The following LRRC3B variants were observed in gnomAD, a reference collection of about 807,000 sequenced individuals.
LRRC3B encodes the protein leucine-rich repeat-containing protein 3B.
In LRRC3B, 2 loss-of-function variants were observed where a neutral mutation model predicts 12.8. The ratio of observed to expected loss-of-function variants is 0.16; its 90% CI spans 0.06 to 0.49. The LOEUF (loss-of-function observed/expected upper bound fraction) is 0.49, where lower values mean the gene tolerates loss of function less well. Ranked by LOEUF, LRRC3B falls within the 20% of genes least tolerant of loss-of-function variation. The probability of loss-of-function intolerance (pLI) is 0.96; values close to 1 mark genes in which losing one functional copy is unlikely to be tolerated. For synonymous variants in LRRC3B, 132 were observed against 122.0 expected (o/e 1.08, Z -0.54); for missense variants, 189 against 319.4 (o/e 0.59, Z 3.11).
At chr3:26,694,928 T>C (rs1190411822) in intron 1 of LRRC3B, among the ~76,000 whole-genome samples, 1 of 152,226 alleles carries the variant, frequency 6.6e-6, no homozygotes, top group Admixed American at 6.5e-5. Context: ...TAGAAAATGA[T>C]ATAAGGTAAA....
chr3:26,661,884 T>A (rs1699499437), intron 1 of LRRC3B, among the ~76,000 whole-genome samples: 2 of 152,212 alleles, frequency 1.3e-5, no homozygotes, highest in African/African-American at 4.8e-5. Context: ...CTGACACTTC[T>A]GTGCCTTTTA....
At chr3:26,651,712 T>A (rs1164489737) in intron 1 of LRRC3B, among the ~76,000 whole-genome samples, 2 of 152,242 alleles carry the variant, frequency 1.3e-5, no homozygotes, top group African/African-American at 4.8e-5. Flanking sequence ...GACCTTTCAA[T>A]AGGTTACAGA....
At chr3:26,634,897 CA>C (rs1446458705) in intron 1 of LRRC3B, among the ~76,000 whole-genome samples, 3 of 152,146 alleles carry the variant, frequency 2.0e-5, no homozygotes, top group Non-Finnish European at 2.9e-5. Context: ...TGCAGCTTTG[CA>C]AAAACTCCAG....
Position 26,680,914 on chromosome 3 carries a change from A to C in LRRC3B, c.-160-28599A>C, listed in dbSNP as rs189039611. 1.3e-3 allele frequency among the ~76,000 whole-genome samples: 195 copies of C among 152,334 alleles called. 1 individual carries two copies. The highest frequency in any genetic ancestry group is 0.01 in the Middle Eastern group (3 of 294). Reference sequence around the variant, plus strand: ...GTGTTATCATTCCTATATCATTATTAATCATAGAATTTAGTTTTGTAAGCC... The same window carrying C: ...GTGTTATCATTCCTATATCATTATTCATCATAGAATTTAGTTTTGTAAGCC... On this transcript the variant is annotated intron_variant, in intron 1 of 1. Coordinates refer to ENST00000396641, the Ensembl canonical transcript of LRRC3B.
chr3:26,675,543 G>GTGTT, intron 1 of LRRC3B, among the ~76,000 whole-genome samples: 1 of 152,264 alleles, frequency 6.6e-6, no homozygotes, highest in Admixed American at 6.5e-5. Context: ...GCCTCACTGA[G>GTGTT]TGTTTTTTCC....
At chr3:26,682,110 T>C (rs1699984731) in intron 1 of LRRC3B, among the ~76,000 whole-genome samples, 1 of 152,194 alleles carries the variant, frequency 6.6e-6, no homozygotes, top group South Asian at 2.1e-4. Context: ...CATGATACTG[T>C]ATCCACCTAT....
chr3:26,652,514 C>A (rs895676320), intron 1 of LRRC3B, among the ~76,000 whole-genome samples: 1 of 152,126 alleles, frequency 6.6e-6, no homozygotes, highest in South Asian at 2.1e-4. Flanking sequence ...CAGCTCAAAT[C>A]CTGCAAGAAT....
At chr3:26,695,264 A>G (rs1292145962) in intron 1 of LRRC3B, among the ~76,000 whole-genome samples, 1 of 152,206 alleles carries the variant, frequency 6.6e-6, no homozygotes, top group African/African-American at 2.4e-5. Flanking sequence ...ATGGTGGCTC[A>G]CGCCTGTAAT....
intron 1 of LRRC3B, among the ~76,000 whole-genome samples, chr3:26,653,804 G>T (rs565360123): frequency 6.6e-4 from 101 of 152,304 alleles, no homozygotes; most frequent in African/African-American, 2.2e-3. Context: ...ACCCATATGT[G>T]TGTCCTGAAG....
At chr3:26,657,364 G>A (rs950755694) in intron 1 of LRRC3B, among the ~76,000 whole-genome samples, 1 of 152,134 alleles carries the variant, frequency 6.6e-6, no homozygotes, top group African/African-American at 2.4e-5. Context: ...CTGATTGATT[G>A]AATTATACTT....
chr3:26,634,657 G>A (rs2125402794), intron 1 of LRRC3B, among the ~76,000 whole-genome samples: 1 of 152,332 alleles, frequency 6.6e-6, no homozygotes, highest in Admixed American at 6.5e-5. Context: ...TGTTAGTAGG[G>A]ATTATGTCAA....
At chr3:26,675,879 T>G (rs1699847586) in intron 1 of LRRC3B, among the ~76,000 whole-genome samples, 1 of 152,140 alleles carries the variant, frequency 6.6e-6, no homozygotes, top group Non-Finnish European at 1.5e-5. Context: ...ATTTTTTTAT[T>G]AAATAATGGT....
intron 1 of LRRC3B, among the ~76,000 whole-genome samples, chr3:26,628,341 G>A (rs1285151107): frequency 6.0e-5 from 9 of 149,640 alleles, no homozygotes; most frequent in African/African-American, 2.0e-4. Flanking sequence ...ATCAAGATTC[G>A]GAATATCTGA....
Position 26,672,978 on chromosome 3 carries a change from T to C in LRRC3B, c.-160-36535T>C, listed in dbSNP as rs188167089. On this transcript the variant is annotated intron_variant, in intron 1 of 1. Transcript: ENST00000396641. ...GAAATGAGGGTTCTGGTTGGCGAAG[T>C]AGGTTTATTTATTGTCCAAAAATTT... Among the ~76,000 whole-genome samples, 437 of 152,342 alleles carry C rather than the reference T, an allele frequency of 2.9e-3. 3 individuals carry two copies. Among genetic ancestry groups the C allele is most frequent in the African/African-American group, 0.01 (416 of 41,586 alleles).
intron 1 of LRRC3B, among the ~76,000 whole-genome samples, chr3:26,672,570 C>T (rs1436449279): frequency 6.6e-6 from 1 of 152,178 alleles, no homozygotes; most frequent in African/African-American, 2.4e-5. Context: ...TTTCTGCTCC[C>T]AGCCTCCAAC....
At chr3:26,652,126 C>G (rs746174173) in intron 1 of LRRC3B, among the ~76,000 whole-genome samples, 1 of 152,206 alleles carries the variant, frequency 6.6e-6, no homozygotes, top group Non-Finnish European at 1.5e-5. Context: ...GCTGAATCCA[C>G]AGCACTTCCC....
chr3:26,660,237 C>A (rs1699466831), intron 1 of LRRC3B, among the ~76,000 whole-genome samples: 2 of 152,128 alleles, frequency 1.3e-5, no homozygotes, highest in Non-Finnish European at 2.9e-5. Flanking sequence ...AGAGTTGCCC[C>A]TTAATTACAG....
At chr3:26,669,491 G>T (rs1459555347) in intron 1 of LRRC3B, among the ~76,000 whole-genome samples, 1 of 152,088 alleles carries the variant, frequency 6.6e-6, no homozygotes, top group Non-Finnish European at 1.5e-5. Flanking sequence ...ACAAGTATTT[G>T]TGAAATAAGG....
intron 1 of LRRC3B, among the ~76,000 whole-genome samples, chr3:26,642,638 T>C (rs1200957920): frequency 6.6e-6 from 1 of 152,098 alleles, no homozygotes; most frequent in African/African-American, 2.4e-5. Flanking sequence ...CTCTACAGGC[T>C]TTGGCACGGT....
Sources: gnomAD v4.1 joint callset for allele counts (sites outside exome capture counted in the v4.1 genomes callset) on GRCh38, gnomAD v4.1.1 for gene constraint, MANE v1.5 for transcripts, NCBI Gene and HGNC (gene_info 2026-07-23, HGNC 2026-07-21) for gene names.